Variants in PIK3R4 observed in about 807,000 individuals in gnomAD.
PIK3R4 encodes phosphoinositide-3-kinase regulatory subunit 4.
In PIK3R4, 46 loss-of-function variants were observed where a neutral mutation model predicts 136.5. The ratio of observed to expected loss-of-function variants is 0.34; its 90% confidence interval spans 0.27 to 0.43. PIK3R4 has a LOEUF of 0.43. Among genes scored for constraint, PIK3R4 ranks in the 20% least tolerant of loss-of-function variants. PIK3R4 has a pLI of 1.00. For synonymous variants in PIK3R4, 557 were observed against 566.7 expected, an observed-to-expected ratio of 0.98 and a Z score of 0.24; for missense variants, 1,331 against 1,649.5, an observed-to-expected ratio of 0.81 and a Z score of 3.35.
chr3:130,725,160 A>G (rs1559828417), intron 6 of PIK3R4, among the ~76,000 whole-genome samples: 1 of 151,974 alleles, frequency 6.6e-6, no homozygotes, highest in Non-Finnish European at 1.5e-5. Context: ...AGCTAAAACT[A>G]TTTTGAAAAT....
chr3:130,722,459 T>C (rs2066707210), intron 7 of PIK3R4, among the ~76,000 whole-genome samples: 1 of 152,198 alleles, frequency 6.6e-6, no homozygotes, highest in Non-Finnish European at 1.5e-5. Flanking sequence ...ATGATGATTT[T>C]TGCTTTAAAA....
Position 130,694,009 on chromosome 3 carries a change from C to T in PIK3R4, c.3099-3355G>A, listed in dbSNP as rs557969042. ...TCCCAGCACTGCTTGTTCTAAAGGC[C>T]ATTCTTTTCCCAACTGAAATATCCT... On this transcript the variant is annotated intron_variant, in intron 13 of 19. Coordinates refer to ENST00000356763, the MANE Select transcript of PIK3R4 (RefSeq NM_014602.3). Among the ~76,000 whole-genome samples, 4 of 152,022 alleles carry T rather than the reference C, an allele frequency of 2.6e-5. No homozygotes were observed. In the South Asian group the frequency reaches 6.2e-4, roughly 24 times the overall value.
intron 8 of PIK3R4, among the ~76,000 whole-genome samples, chr3:130,716,957 C>G (rs1454526134): frequency 6.6e-6 from 1 of 152,140 alleles, no homozygotes; most frequent in Admixed American, 6.5e-5. Flanking sequence ...AGGTACTGAT[C>G]CAGAAAAGAT....
chr3:130,712,214 C>T (rs1260373546), intron 9 of PIK3R4, among the ~76,000 whole-genome samples: 1 of 152,028 alleles, frequency 6.6e-6, no homozygotes, highest in Non-Finnish European at 1.5e-5. Flanking sequence ...CTACGCTGGT[C>T]TAGAAAGGCC....
chr3:130,680,461 A>AATTT (rs1307638542), intron 19 of PIK3R4, 152 bp downstream of exon 19: 1 of 494,376 alleles, frequency 2.0e-6, no homozygotes, highest in Non-Finnish European at 3.6e-6. Context: ...AATAAAAGTT[A>AATTT]ATTTTTTTAA....
At chr3:130,707,362 T>C (rs1033608675) in intron 10 of PIK3R4, among the ~76,000 whole-genome samples, 1 of 152,192 alleles carries the variant, frequency 6.6e-6, no homozygotes, top group Non-Finnish European at 1.5e-5. Flanking sequence ...ATGTTAATAA[T>C]AAGACCTAAT....
intron 13 of PIK3R4, among the ~76,000 whole-genome samples, chr3:130,696,433 C>T (rs1051128873): frequency 2.6e-5 from 4 of 151,982 alleles, no homozygotes; most frequent in Admixed American, 2.6e-4. Flanking sequence ...CCTCTAGATG[C>T]ATTATCCAAG....
At chr3:130,714,173 CA>C (rs1208438179) in intron 9 of PIK3R4, among the ~76,000 whole-genome samples, 3 of 152,074 alleles carry the variant, frequency 2.0e-5, no homozygotes, top group African/African-American at 7.2e-5. Context: ...TTCTAAAATA[CA>C]AAACATATCT....
At chr3:130,725,244 G>T (rs925446028) in intron 6 of PIK3R4, among the ~76,000 whole-genome samples, 2 of 151,654 alleles carry the variant, frequency 1.3e-5, no homozygotes, top group African/African-American at 4.8e-5. Context: ...ATTGAATATG[G>T]CTATGAATAT....
At chr3:130,740,193 A>C (rs548845780) in intron 2 of PIK3R4, among the ~76,000 whole-genome samples, 1 of 152,364 alleles carries the variant, frequency 6.6e-6, no homozygotes, top group Non-Finnish European at 1.5e-5. Context: ...ATTCTTCAAA[A>C]AATGGCAATG....
chr3:130,737,693 T>A (rs552786011), intron 2 of PIK3R4, among the ~76,000 whole-genome samples: 6 of 152,174 alleles, frequency 3.9e-5, no homozygotes, highest in African/African-American at 1.4e-4. Context: ...AGAAATGGAT[T>A]TAATACATCT....
At chr3:130,711,831 C>T (rs554866170) in intron 9 of PIK3R4, among the ~76,000 whole-genome samples, 12 of 152,102 alleles carry the variant, frequency 7.9e-5, no homozygotes, top group Non-Finnish European at 1.5e-4. Flanking sequence ...ACTCCCTGGC[C>T]GGAGGGCAGG....
intron 8 of PIK3R4, among the ~76,000 whole-genome samples, chr3:130,716,967 T>A (rs187705529): frequency 5.3e-4 from 80 of 152,342 alleles, no homozygotes; most frequent in Admixed American, 2.2e-3. Context: ...CCAGAAAAGA[T>A]GCTCAACAGC....
chr3:130,679,616 C>G (rs565892329), intron 19 of PIK3R4, 131 bp from the exon 20 acceptor site: 2 of 592,242 alleles, frequency 3.4e-6, no homozygotes, highest in Middle Eastern at 4.0e-4. Flanking sequence ...CATGCTTTCA[C>G]GAATACATTG....
rs2066476603 is a variant in PIK3R4 at position 130,684,326 on chromosome 3, T to G, written c.3531A>C (p.Ser1177=). 4.3e-6 allele frequency: 7 copies of G among 1,613,098 alleles called. No individual in the cohort carries two copies. Among genetic ancestry groups the G allele is most frequent in the Non-Finnish European group, 5.9e-6 (7 of 1,179,352 alleles). The change falls in exon 16 of 20, where the codon TCA becomes TCC. Residue 1177 remains serine, a synonymous_variant. Coordinates refer to ENST00000356763, the MANE Select transcript of PIK3R4 (RefSeq NM_014602.3). ...CWDMRFQLPI[S]SHCHPSRARI... is the part of the protein sequence containing the mutation. The stretch of plus-strand genomic sequence containing the variant: ...GAGCCCTGGAAGGATGACAGTGACT[T>G]GAAATTGGCAACTGGAACCTCATGT...
intron 14 of PIK3R4, among the ~76,000 whole-genome samples, chr3:130,689,833 CA>C (rs1237376448): frequency 8.5e-5 from 13 of 152,204 alleles, no homozygotes; most frequent in African/African-American, 3.1e-4. Context: ...ATTCTTAAAG[CA>C]TAACATATCT....
In PIK3R4 at chr3:130,716,561, T is replaced by C. The variant is rs768512789; in HGVS notation, c.2166A>G (p.Glu722=). ...RKLVLLSVLK[E]PVSRSIFDYA... is the part of the protein sequence containing the mutation. Reference sequence around the variant, plus strand: ...AATCAAATATAGAACGACTTACTGGTTCCTTTAAAACACTGAGCAGAACAA... The same window carrying C: ...AATCAAATATAGAACGACTTACTGGCTCCTTTAAAACACTGAGCAGAACAA... The change falls in exon 9 of 20, where the codon GAA becomes GAG. Residue 722 remains glutamate, a synonymous_variant. Coordinates refer to ENST00000356763, the MANE Select transcript of PIK3R4 (RefSeq NM_014602.3). 2 of 1,613,948 alleles carry C rather than the reference T, an allele frequency of 1.2e-6. No individual in the cohort carries two copies. The highest frequency in any genetic ancestry group is 2.2e-5 in the South Asian group (2 of 91,062).
Position 130,679,271 on chromosome 3 carries a change from G to T in PIK3R4, c.*44C>A. 8.2e-7 allele frequency: 1 copy of T among 1,218,312 alleles called. No homozygotes were observed. The highest frequency in any genetic ancestry group is 1.1e-6 in the Non-Finnish European group (1 of 888,508). 75.5% of individuals were successfully genotyped at this position (1,218,312 alleles called of 1,614,324 possible). A position where few individuals can be genotyped will look rare whatever the true frequency, so the allele number is the denominator to read the frequency against. ...TAGAAATGCCTTTTCTCGAGTTATA[G>T]TATTATATTTATAACTATTAAAATT... On this transcript the variant is annotated 3_prime_UTR_variant, in exon 20 of 20. Coordinates refer to ENST00000356763, the MANE Select transcript of PIK3R4 (RefSeq NM_014602.3).
chr3:130,716,692 T>C (rs903831896), intron 8 of PIK3R4, 93 bp from the exon 9 acceptor site: 10 of 756,278 alleles, frequency 1.3e-5, no homozygotes, highest in Admixed American at 8.9e-5. Context: ...AGTTAACATA[T>C]TCATTTTCTA....
Sources: allele counts gnomAD v4.1 joint callset (sites outside exome capture counted in the v4.1 genomes callset), GRCh38; gene constraint gnomAD v4.1.1; transcripts MANE v1.5; gene names NCBI Gene and HGNC (gene_info 2026-07-23, HGNC 2026-07-21).